Variants in GRK3 observed in about 807,000 individuals in gnomAD.
GRK3 encodes the protein G protein-coupled receptor kinase 3, also known as adrenergic, beta, receptor kinase 2.
In GRK3, 54 loss-of-function variants were observed where a neutral mutation model predicts 95.7. The ratio of observed to expected loss-of-function variants is 0.56; its 90% CI spans 0.45 to 0.71. GRK3 has a LOEUF of 0.71. GRK3 is among the 30% of genes least tolerant of loss of function. GRK3 has a pLI of 0.00. For missense variants in GRK3, 649 were observed against 851.2 expected (o/e 0.76, Z 2.96); for synonymous variants, 281 against 290.8 (o/e 0.97, Z 0.34).
rs547892287 is a variant in GRK3, at chr22:25,642,159, G to A, written c.191-2433G>A. ...ATAGAATAAATAGACAGATGGCCGC[G>A]CGGTGGCTCACGCCTGTAATCCCAG... On this transcript the variant is annotated intron_variant, in intron 2 of 20. Coordinates refer to ENST00000324198, the MANE Select transcript of GRK3 (RefSeq NM_005160.4). Among the ~76,000 whole-genome samples the A allele has an allele frequency of 3.9e-5, 6 of 152,316 alleles. No individual in the cohort carries two copies. The East Asian group carries it at 9.7e-4, about 25-fold the overall frequency.
At chr22:25,604,272 T>C (rs1250053962) in intron 1 of GRK3, 105 bp from the exon 2 acceptor site, 3 of 803,700 alleles carry the variant, frequency 3.7e-6, no homozygotes, top group Non-Finnish European at 5.9e-6. Context: ...AAGGGTCTCT[T>C]GTAAAGCTGA....
At chr22:25,657,020 T>C (rs1005133775) in intron 3 of GRK3, among the ~76,000 whole-genome samples, 6 of 152,298 alleles carry the variant, frequency 3.9e-5, no homozygotes, top group Admixed American at 3.9e-4. Flanking sequence ...TTTGGGGAAC[T>C]GAAACAGGAC....
chr22:25,653,133 GA>G (rs2084846299), intron 3 of GRK3, among the ~76,000 whole-genome samples: 2 of 152,150 alleles, frequency 1.3e-5, no homozygotes, highest in African/African-American at 4.8e-5. Flanking sequence ...GCAAAAAAAG[GA>G]ATATAAGTAG....
chr22:25,565,107 AC>A lies in GRK3; in HGVS notation c.71del (p.Pro24ArgfsTer19). On this transcript the variant is annotated frameshift_variant, in exon 1 of 21. Transcript: ENST00000324198. LOFTEE classifies it high-confidence loss of function. Reference protein sequence around the residue: ...YLMAMEKSKATPAARASKRIV... With the variant: ...YLMAMEKSKAXPAARASKRIV... Reference sequence around the variant, plus strand: ...GATGGCCATGGAGAAGAGCAAGGCGACCCCGGCCGCCCGCGCCAGCAAGAGG... The same window carrying A: ...GATGGCCATGGAGAAGAGCAAGGCGACCCGGCCGCCCGCGCCAGCAAGAGG... 1.9e-6 allele frequency: 3 copies of A among 1,547,596 alleles called. No homozygotes were observed. Among genetic ancestry groups the A allele is most frequent in the East Asian group, 2.6e-5 (1 of 37,784 alleles).
intron 18 of GRK3, chr22:25,715,274 G>A (rs1464678456): frequency 6.6e-6 from 1 of 152,298 alleles, no homozygotes; most frequent in East Asian, 1.9e-4. Flanking sequence ...AGCACCTCGG[G>A]AGGCCGAGGC....
At chr22:25,588,646 G>T (rs866967649) in intron 1 of GRK3, among the ~76,000 whole-genome samples, 2 of 152,146 alleles carry the variant, frequency 1.3e-5, no homozygotes, top group African/African-American at 4.8e-5. Flanking sequence ...TACATATAAG[G>T]AAAGTAGTTT....
At chr22:25,679,687 G>A (rs1267882964) in intron 9 of GRK3, among the ~76,000 whole-genome samples, 1 of 152,164 alleles carries the variant, frequency 6.6e-6, no homozygotes, top group Non-Finnish European at 1.5e-5. Context: ...TGTGTGCACT[G>A]GTATGGCTGT....
At chr22:25,589,974 G>A (rs1009508943) in intron 1 of GRK3, among the ~76,000 whole-genome samples, 4 of 152,136 alleles carry the variant, frequency 2.6e-5, no homozygotes, top group Admixed American at 6.5e-5. Flanking sequence ...GGAAAGATCC[G>A]GCTCCATGAT....
At chr22:25,634,287 T>G (rs535183038) in intron 2 of GRK3, among the ~76,000 whole-genome samples, 3 of 152,200 alleles carry the variant, frequency 2.0e-5, no homozygotes, top group African/African-American at 7.2e-5. Flanking sequence ...GGTTTAGAGA[T>G]CCTGGTTTAG....
intron 2 of GRK3, among the ~76,000 whole-genome samples, chr22:25,628,773 G>C (rs2084644775): frequency 6.6e-6 from 1 of 152,184 alleles, no homozygotes; most frequent in African/African-American, 2.4e-5. Flanking sequence ...TGTAACATTT[G>C]TAACAGGTTG....
At chr22:25,708,561 C>T (rs796708679) in intron 15 of GRK3, among the ~76,000 whole-genome samples, 9 of 152,238 alleles carry the variant, frequency 5.9e-5, no homozygotes, top group African/African-American at 1.9e-4. Flanking sequence ...CCCCAAGAAG[C>T]AGCCCTGAGC....
chr22:25,687,825 C>A (rs1321242320), intron 11 of GRK3, among the ~76,000 whole-genome samples, 158 bp downstream of exon 11: 1 of 152,214 alleles, frequency 6.6e-6, no homozygotes, highest in Non-Finnish European at 1.5e-5. Context: ...CTCCTCTAGA[C>A]CAGACTCTGC....
intron 10 of GRK3, among the ~76,000 whole-genome samples, chr22:25,686,417 G>T (rs886686390): frequency 2.6e-5 from 4 of 152,112 alleles, no homozygotes; most frequent in Non-Finnish European, 5.9e-5. Context: ...GTGGGGCTTG[G>T]GGGTAAGGTC....
chr22:25,699,699 CTTT>C (rs532664312), intron 13 of GRK3, among the ~76,000 whole-genome samples: 4 of 129,232 alleles, frequency 3.1e-5, no homozygotes. Flanking sequence ...CTTTTCTTTT[CTTT>C]TTTTTTTTTT....
chr22:25,582,565 C>T (rs908256684), intron 1 of GRK3, among the ~76,000 whole-genome samples: 3 of 151,988 alleles, frequency 2.0e-5, no homozygotes, highest in Non-Finnish European at 4.4e-5. Context: ...AAAAAATGGG[C>T]AAAAATAACC....
intron 2 of GRK3, among the ~76,000 whole-genome samples, chr22:25,611,213 C>T (rs559058433): frequency 1.4e-3 from 214 of 152,268 alleles, no homozygotes; most frequent in African/African-American, 4.9e-3. Context: ...GGATTATTTC[C>T]ACTTTTTGCC....
chr22:25,687,774 A>G, intron 11 of GRK3, 107 bp downstream of exon 11: 1 of 1,274,210 alleles, frequency 7.8e-7, no homozygotes, highest in Non-Finnish European at 1.1e-6. Flanking sequence ...CATAGCCCTC[A>G]TCTCAGCCCT....
intron 11 of GRK3, among the ~76,000 whole-genome samples, chr22:25,688,191 GCA>G (rs2085136289): frequency 1.4e-5 from 2 of 141,384 alleles, no homozygotes; most frequent in Non-Finnish European, 3.0e-5. Flanking sequence ...AGCTGAGATT[GCA>G]CCACTGCACT....
chr22:25,652,582 G>A (rs542679360), intron 3 of GRK3, among the ~76,000 whole-genome samples: 2 of 152,198 alleles, frequency 1.3e-5, no homozygotes, highest in South Asian at 4.2e-4. Flanking sequence ...GATTATTGGG[G>A]GTTAGTGTAA....
Sources: allele counts gnomAD v4.1 joint callset (sites outside exome capture counted in the v4.1 genomes callset), GRCh38; gene constraint gnomAD v4.1.1; transcripts MANE v1.5; gene names NCBI Gene and HGNC (gene_info 2026-07-23, HGNC 2026-07-21).